SLC9A9: variants seen among roughly 807,000 people sequenced by gnomAD.
SLC9A9 encodes the protein sodium/hydrogen exchanger 9.
SLC9A9 carries 62 observed loss-of-function variants against 77.8 expected under a neutral mutation model. The ratio of observed to expected loss-of-function variants is 0.80; its 90% CI spans 0.65 to 0.98. The LOEUF (loss-of-function observed/expected upper bound fraction) is 0.98, where lower values mean the gene tolerates loss of function less well. Ranked by LOEUF, SLC9A9 falls within the 50% of genes least tolerant of loss-of-function variation. The pLI is 0.00. For synonymous variants in SLC9A9, 320 were observed against 283.5 expected, an observed-to-expected ratio of 1.13 and a Z score of -1.29; for missense variants, 775 against 774.9, an observed-to-expected ratio of 1.00 and a Z score of 0.00.
At chr3:143,410,072 T>C (rs2034062882) in intron 12 of SLC9A9, among the ~76,000 whole-genome samples, 1 of 152,224 alleles carries the variant, frequency 6.6e-6, no homozygotes, top group Non-Finnish European at 1.5e-5. Flanking sequence ...ATGCGGACTT[T>C]GTCTCTTTCT....
rs185713889 is a variant in SLC9A9, at chr3:143,459,259, A to G, written c.1469+7778T>C. Among the ~76,000 whole-genome samples, 236 of 151,840 alleles carry G rather than the reference A, an allele frequency of 1.6e-3. 2 individuals are homozygous for G. Among genetic ancestry groups the G allele is most frequent in the Admixed American group, 0.011 (174 of 15,232 alleles). On this transcript the variant is annotated intron_variant, in intron 12 of 15. Coordinates refer to ENST00000316549, the MANE Select transcript of SLC9A9 (RefSeq NM_173653.4). Reference sequence around the variant, plus strand: ...GGTTAGCATCTTGTGAAATATTAAGATTTTTCCTGGATCTTGTGAGACATT... The same window carrying G: ...GGTTAGCATCTTGTGAAATATTAAGGTTTTTCCTGGATCTTGTGAGACATT...
intron 14 of SLC9A9, among the ~76,000 whole-genome samples, chr3:143,333,005 C>A (rs1323056678): frequency 1.3e-5 from 2 of 152,184 alleles, no homozygotes; most frequent in Non-Finnish European, 2.9e-5. Context: ...GTAATTGATG[C>A]CAACTACAAC....
At chr3:143,606,436 C>CTCTCTCTCTCTCTCTATATATA (rs1419410834) in intron 6 of SLC9A9, among the ~76,000 whole-genome samples, 8 of 54,212 alleles carry the variant, frequency 1.5e-4, no homozygotes, top group South Asian at 9.6e-4. Context: ...CTCTCTCTCT[C>CTCTCTCTCTCTCTCTATATATA]TATATATATA....
At chr3:143,444,129 C>G (rs1405627448) in intron 12 of SLC9A9, among the ~76,000 whole-genome samples, 1 of 152,294 alleles carries the variant, frequency 6.6e-6, no homozygotes, top group Non-Finnish European at 1.5e-5. Context: ...AATGTTTTTA[C>G]TGACTTCCTA....
intron 8 of SLC9A9, among the ~76,000 whole-genome samples, chr3:143,560,280 C>T (rs1040626718): frequency 5.3e-5 from 8 of 152,196 alleles, no homozygotes; most frequent in East Asian, 3.8e-4. Flanking sequence ...CTCTCCCTAA[C>T]GGTCTGGGTC....
chr3:143,651,922 T>C (rs11917046), intron 6 of SLC9A9, among the ~76,000 whole-genome samples: 219 of 152,336 alleles, frequency 1.4e-3, no homozygotes, highest in African/African-American at 5.1e-3. Flanking sequence ...AAGTGACTTA[T>C]ATAAGGCGAA....
At chr3:143,816,481 T>C (rs900309733) in intron 2 of SLC9A9, among the ~76,000 whole-genome samples, 1 of 152,268 alleles carries the variant, frequency 6.6e-6, no homozygotes, top group Non-Finnish European at 1.5e-5. Context: ...AACATAGTTT[T>C]TGAGATTTAT....
At chr3:143,378,849 A>G (rs1301854129) in intron 13 of SLC9A9, among the ~76,000 whole-genome samples, 1 of 152,198 alleles carries the variant, frequency 6.6e-6, no homozygotes, top group Non-Finnish European at 1.5e-5. Flanking sequence ...TGCTCTCTAA[A>G]GCTTTTGTGC....
intron 12 of SLC9A9, among the ~76,000 whole-genome samples, chr3:143,392,419 C>A (rs2033595175): frequency 6.6e-6 from 1 of 152,178 alleles, no homozygotes; most frequent in Non-Finnish European, 1.5e-5. Context: ...TTGTCACTGC[C>A]AGGCTTGCCC....
chr3:143,604,304 C>T (rs2037888861), intron 6 of SLC9A9, among the ~76,000 whole-genome samples: 1 of 152,092 alleles, frequency 6.6e-6, no homozygotes, highest in South Asian at 2.1e-4. Context: ...CTGTTACATG[C>T]CAAGCAGGGT....
At chr3:143,500,539 A>G (rs1421344068) in intron 9 of SLC9A9, among the ~76,000 whole-genome samples, 3 of 151,974 alleles carry the variant, frequency 2.0e-5, no homozygotes, top group Non-Finnish European at 2.9e-5. Flanking sequence ...CAGGTCCTGG[A>G]TGTCATGGCT....
chr3:143,607,256 G>A (rs1336082126), intron 6 of SLC9A9, among the ~76,000 whole-genome samples: 2 of 151,784 alleles, frequency 1.3e-5, no homozygotes, highest in Non-Finnish European at 2.9e-5. Flanking sequence ...TACTACTACC[G>A]AGATAATTTA....
chr3:143,708,215 A>G (rs1282619430), intron 4 of SLC9A9, among the ~76,000 whole-genome samples: 1 of 152,132 alleles, frequency 6.6e-6, no homozygotes, highest in Non-Finnish European at 1.5e-5. Flanking sequence ...TATCATATCC[A>G]CTATCTGGGA....
intron 2 of SLC9A9, among the ~76,000 whole-genome samples, chr3:143,822,754 G>T (rs2009199032): frequency 6.6e-6 from 1 of 152,186 alleles, no homozygotes; most frequent in Non-Finnish European, 1.5e-5. Context: ...AGAATTGAAA[G>T]ATCCATTGTA....
At chr3:143,717,848 T>C (rs913313808) in intron 4 of SLC9A9, among the ~76,000 whole-genome samples, 1 of 151,952 alleles carries the variant, frequency 6.6e-6, no homozygotes, top group Non-Finnish European at 1.5e-5. Context: ...AACAAGTCCA[T>C]ACACACAAAA....
chr3:143,441,273 A>G (rs953583281), intron 12 of SLC9A9, among the ~76,000 whole-genome samples: 2 of 152,058 alleles, frequency 1.3e-5, no homozygotes, highest in Non-Finnish European at 2.9e-5. Flanking sequence ...TGCTTAACGG[A>G]TATTCTAGGT....
chr3:143,785,797 G>T (rs372440995), intron 4 of SLC9A9, among the ~76,000 whole-genome samples: 3 of 150,636 alleles, frequency 2.0e-5, no homozygotes, highest in Non-Finnish European at 4.4e-5. Flanking sequence ...ATGTCTGAGG[G>T]TACTGAAGAA....
chr3:143,369,167 T>G (rs2032985624), intron 13 of SLC9A9, among the ~76,000 whole-genome samples: 1 of 152,220 alleles, frequency 6.6e-6, no homozygotes, highest in Non-Finnish European at 1.5e-5. Context: ...TAACTTTGTC[T>G]GTATAGTAGA....
At chr3:143,523,751 G>T (rs1299057970) in intron 9 of SLC9A9, among the ~76,000 whole-genome samples, 2 of 151,958 alleles carry the variant, frequency 1.3e-5, no homozygotes, top group Non-Finnish European at 2.9e-5. Context: ...CAGCCCATAG[G>T]GATTCCCAAT....
Sources: gnomAD v4.1 joint callset for allele counts (sites outside exome capture counted in the v4.1 genomes callset) on GRCh38, gnomAD v4.1.1 for gene constraint, MANE v1.5 for transcripts, NCBI Gene and HGNC (gene_info 2026-07-23, HGNC 2026-07-21) for gene names.